Variants in NEK5 observed in about 807,000 individuals in gnomAD.
NEK5 encodes the protein serine/threonine-protein kinase Nek5.
Under a neutral mutation model 109.2 loss-of-function variants are expected in NEK5, and 88 were observed. The ratio of observed to expected loss-of-function variants is 0.81; its 90% CI spans 0.68 to 0.96. The LOEUF (loss-of-function observed/expected upper bound fraction) is 0.96. Among genes scored for constraint, NEK5 ranks in the 40% least tolerant of loss-of-function variants. The probability of loss-of-function intolerance (pLI) is 0.00; values close to 1 mark genes in which losing one functional copy is unlikely to be tolerated. For synonymous variants in NEK5, 283 were observed against 299.9 expected (o/e 0.94, Z 0.58); for missense variants, 834 against 920.7 (o/e 0.91, Z 1.22).
intron 21 of NEK5, among the ~76,000 whole-genome samples, chr13:52,063,956 C>CA (rs1198098881): frequency 2.1e-5 from 3 of 144,782 alleles, no homozygotes; most frequent in Non-Finnish European, 4.6e-5. Context: ...GTGGGGGGGT[C>CA]AGCCCCCCGC....
chr13:52,072,254 G>T (rs1202237339), intron 19 of NEK5, among the ~76,000 whole-genome samples, 184 bp from the exon 20 acceptor site: 1 of 152,184 alleles, frequency 6.6e-6, no homozygotes, highest in African/African-American at 2.4e-5. Context: ...AAACAGAAAT[G>T]TTTTCATTTC....
At chr13:52,080,419 T>G (rs1232697548) in intron 17 of NEK5, among the ~76,000 whole-genome samples, 1 of 151,924 alleles carries the variant, frequency 6.6e-6, no homozygotes, top group Non-Finnish European at 1.5e-5. Flanking sequence ...GAACGGGCCA[T>G]GATGACAATG....
chr13:52,110,903 T>TG (rs1254298332), intron 5 of NEK5, among the ~76,000 whole-genome samples: 15 of 152,214 alleles, frequency 9.9e-5, no homozygotes, highest in Admixed American at 7.9e-4. Flanking sequence ...TACTTAACCC[T>TG]GGGGTGCTAA....
intron 19 of NEK5, 130 bp downstream of exon 19, chr13:52,075,628 C>G (rs1167966905): frequency 6.2e-6 from 4 of 645,726 alleles, no homozygotes; most frequent in Admixed American, 3.3e-5. Flanking sequence ...TGCACATGTA[C>G]CACCTGAATC....
At chr13:52,101,565 CTT>C (rs754410023) in intron 11 of NEK5, among the ~76,000 whole-genome samples, 1 of 152,176 alleles carries the variant, frequency 6.6e-6, no homozygotes, top group East Asian at 1.9e-4. Flanking sequence ...AGTCTATCCT[CTT>C]TTAGAAAAAT....
Position 52,062,506 on chromosome 13 carries a change from C to T in NEK5, c.1976-553G>A, listed in dbSNP as rs554950461. The stretch of plus-strand genomic sequence containing the variant: ...CACGATCTTGGCTCACTGCAACCTC[C>T]GCCGCCCAGGTTCAAGCAATTCTCC... On this transcript the variant is annotated intron_variant, in intron 21 of 23. Transcript: ENST00000684899. Among the ~76,000 whole-genome samples the T allele has an allele frequency of 4.4e-4, 67 of 152,034 alleles. No homozygotes were observed. The South Asian group carries it at 5.6e-3, about 13-fold the overall frequency.
chr13:52,111,614 T>C (rs915726268), intron 5 of NEK5, among the ~76,000 whole-genome samples: 3 of 152,196 alleles, frequency 2.0e-5, no homozygotes, highest in Non-Finnish European at 2.9e-5. Flanking sequence ...GCCTTTCCTG[T>C]GTGCTTCTTG....
chr13:52,112,157 T>C, intron 5 of NEK5, 111 bp downstream of exon 5: 1 of 521,050 alleles, frequency 1.9e-6, no homozygotes, highest in Admixed American at 3.3e-5. Flanking sequence ...TCAATCTGTC[T>C]ACCAAAACAC....
rs1955736970 is a variant in NEK5 at position 52,110,503 on chromosome 13, T to C, written c.387A>G (p.Ile129Met). The stretch of plus-strand genomic sequence containing the variant: ...CTCTCTGAGCTGTTACCTGAGCTTT[T>C]ATGTCCCTGTGTAATATCTTCCTGT... ...IHDRKILHRD[I>M]KAQNIFLSKN... The change falls in exon 6 of 24, where the codon ATA (isoleucine) becomes ATG (methionine). Residue 129 changes from isoleucine to methionine, a missense_variant. Physicochemically the swap from Ile to Met is conservative, Grantham distance 10. Transcript: ENST00000684899. 6.2e-7 allele frequency: 1 copy of C among 1,611,944 alleles called. No homozygotes were observed. The highest frequency in any genetic ancestry group is 2.2e-5 in the East Asian group (1 of 44,834).
At chr13:52,099,911 T>TA in intron 11 of NEK5, 35 bp from the exon 12 acceptor site, 1 of 1,538,666 alleles carries the variant, frequency 6.5e-7, no homozygotes. Flanking sequence ...TTCAATTTTT[T>TA]AAAAATTGTA....
rs1003986139 is a variant in NEK5 at position 52,044,616 on chromosome 13, A to G, written c.2228+5488T>C. Among the ~76,000 whole-genome samples, 34 of 152,182 alleles carry G rather than the reference A, an allele frequency of 2.2e-4. 1 individual carries two copies. The highest frequency in any genetic ancestry group is 7.2e-4 in the African/African-American group (30 of 41,432). On this transcript the variant is annotated intron_variant, in intron 23 of 23. Transcript: ENST00000684899. The stretch of plus-strand genomic sequence containing the variant: ...TGAATAAGTCTCAAAATTATTCTCA[A>G]ACAGTAGGGTTTCTAGGCAATTTAA...
chr13:52,122,438 T>G (rs377137993), intron 3 of NEK5, among the ~76,000 whole-genome samples: 2 of 152,266 alleles, frequency 1.3e-5, no homozygotes, highest in East Asian at 1.9e-4. Context: ...TGAGGAAATA[T>G]TCACAATATA....
In NEK5 at chr13:52,113,198, G is replaced by A. The variant is rs79886513; in HGVS notation, c.215-833C>T. On this transcript the variant is annotated intron_variant, in intron 4 of 23. Coordinates refer to ENST00000684899, the MANE Select transcript of NEK5 (RefSeq NM_001365552.1). ...ACTGGAAAACTTCTAAAAGGATTAT[G>A]TACAGACTATCCACAAATCCTTGCT... Among the ~76,000 whole-genome samples the A allele has an allele frequency of 3.8e-3, 583 of 152,240 alleles. 8 individuals are homozygous for A. In the East Asian group the frequency reaches 0.045, roughly 12 times the overall value.
chr13:52,033,761 G>A lies in NEK5; in HGVS notation c.*3187C>T, dbSNP rs1378907872. 2 of 152,354 alleles carry A rather than the reference G, an allele frequency of 1.3e-5. No individual in the cohort carries two copies. Among genetic ancestry groups the A allele is most frequent in the African/African-American group, 4.8e-5 (2 of 41,440 alleles). The allele number at this position is 152,354 out of a possible 1,614,324, so 9.4% of individuals were successfully genotyped here. On this transcript the variant is annotated 3_prime_UTR_variant, in exon 24 of 24. Transcript: ENST00000684899. ...ACCAGTGTGGTTATCAATGCTTTCA[G>A]AATACTTGTGTTTATGTAAATATAC... is the stretch of plus-strand genomic sequence containing the variant.
intron 22 of NEK5, among the ~76,000 whole-genome samples, chr13:52,057,493 C>T (rs1954570149): frequency 6.6e-6 from 1 of 151,930 alleles, no homozygotes. Context: ...GAGACACAAC[C>T]ACAAAAGAGA....
intron 19 of NEK5, among the ~76,000 whole-genome samples, chr13:52,072,983 T>C (rs1212339868): frequency 6.6e-6 from 1 of 152,226 alleles, no homozygotes; most frequent in African/African-American, 2.4e-5. Flanking sequence ...TTGGATTTAC[T>C]GTATTTACTC....
At chr13:52,055,960 A>G (rs1460250097) in intron 22 of NEK5, among the ~76,000 whole-genome samples, 13 of 151,998 alleles carry the variant, frequency 8.6e-5, no homozygotes, top group Non-Finnish European at 2.9e-5. Context: ...TTAACTTTAA[A>G]TGTAAATGGA....
chr13:52,070,730 A>G (rs1954770605), intron 20 of NEK5, among the ~76,000 whole-genome samples: 1 of 152,194 alleles, frequency 6.6e-6, no homozygotes. Context: ...ATGGACTAAT[A>G]CAGTAACCAT....
chr13:52,112,439 A>G, intron 4 of NEK5, 74 bp from the exon 5 acceptor site: 1 of 977,354 alleles, frequency 1.0e-6, no homozygotes, highest in African/African-American at 1.6e-5. Flanking sequence ...TGTGGAATCA[A>G]GATGGACTGG....
Sources: gnomAD v4.1 joint callset for allele counts (sites outside exome capture counted in the v4.1 genomes callset) on GRCh38, gnomAD v4.1.1 for gene constraint, MANE v1.5 for transcripts, NCBI Gene and HGNC (gene_info 2026-07-23, HGNC 2026-07-21) for gene names.